COG5: variants seen among roughly 807,000 people sequenced by gnomAD.
COG5 encodes the protein conserved oligomeric Golgi complex subunit 5.
Under a neutral mutation model 110.4 loss-of-function variants are expected in COG5, and 86 were observed. The observed-to-expected ratio is 0.78, with a 90% CI of 0.65 to 0.93. The LOEUF (loss-of-function observed/expected upper bound fraction) is 0.93, where lower values mean the gene tolerates loss of function less well. COG5 is among the 40% of genes least tolerant of loss of function. COG5 has a pLI of 0.00. For synonymous variants in COG5, 360 were observed against 334.6 expected (o/e 1.08, Z -0.83); for missense variants, 1,077 against 987.0 (o/e 1.09, Z -1.22).
Position 107,531,546 on chromosome 7 carries a change from T to C in COG5, c.418-4189A>G, listed in dbSNP as rs1482904008. Among the ~76,000 whole-genome samples, 9 of 150,476 alleles carry C rather than the reference T, an allele frequency of 6.0e-5. No homozygotes were observed. The South Asian group carries it at 1.7e-3, about 28-fold the overall frequency. ...TAGGAGTATTGTTCATACTGAAAAC[T>C]AAAAATAAATACTTAATCTTTCCCT... On this transcript the variant is annotated intron_variant, in intron 5 of 21. Transcript: ENST00000297135.
chr7:107,442,037 G>C (rs1216349247), intron 6 of COG5, among the ~76,000 whole-genome samples: 1 of 152,210 alleles, frequency 6.6e-6, no homozygotes, highest in Non-Finnish European at 1.5e-5. Flanking sequence ...AGCATCTGGT[G>C]ATGTGGTTTG....
chr7:107,237,452 T>C (rs1475243511), intron 17 of COG5, among the ~76,000 whole-genome samples: 3 of 152,372 alleles, frequency 2.0e-5, no homozygotes, highest in East Asian at 1.9e-4. Context: ...GGCTACATCA[T>C]GCTGAATCTT....
chr7:107,290,797 T>C (rs891375267), intron 12 of COG5, among the ~76,000 whole-genome samples: 2 of 152,000 alleles, frequency 1.3e-5, no homozygotes, highest in African/African-American at 2.4e-5. Flanking sequence ...CCCTTGTAAG[T>C]GAAGTATAGT....
At chr7:107,547,952 T>C in intron 5 of COG5, 159 bp downstream of exon 5, 1 of 647,606 alleles carries the variant, frequency 1.5e-6, no homozygotes. Flanking sequence ...TTGTATTTTT[T>C]GAGCTAGACA....
intron 14 of COG5, among the ~76,000 whole-genome samples, chr7:107,274,411 C>A (rs1291121746): frequency 6.6e-6 from 1 of 152,118 alleles, no homozygotes; most frequent in East Asian, 1.9e-4. Context: ...CCACTCTTCA[C>A]CCCCTTTGTA....
chr7:107,451,436 C>T (rs910898281), intron 6 of COG5, among the ~76,000 whole-genome samples: 6 of 152,076 alleles, frequency 3.9e-5, no homozygotes, highest in Non-Finnish European at 7.4e-5. Context: ...ATGTTACAGG[C>T]GCTGAAACTA....
chr7:107,396,488 A>G (rs1338030153), intron 7 of COG5, among the ~76,000 whole-genome samples: 1 of 141,208 alleles, frequency 7.1e-6, no homozygotes, highest in African/African-American at 2.6e-5. Context: ...TTTTGAAGAG[A>G]GGCAGAAAAA....
At chr7:107,392,077 C>T (rs570054542) in intron 7 of COG5, among the ~76,000 whole-genome samples, 39 of 152,068 alleles carry the variant, frequency 2.6e-4, no homozygotes, top group African/African-American at 7.2e-4. Context: ...GGCAGCACAG[C>T]GAGACTCAGT....
At chr7:107,279,657 A>T (rs1008628054) in intron 14 of COG5, among the ~76,000 whole-genome samples, 2 of 152,280 alleles carry the variant, frequency 1.3e-5, no homozygotes, top group African/African-American at 2.4e-5. Context: ...ATATATTTTT[A>T]AAAATAAGGC....
At chr7:107,557,391 G>A (rs1803400736) in intron 2 of COG5, among the ~76,000 whole-genome samples, 2 of 152,138 alleles carry the variant, frequency 1.3e-5, no homozygotes, top group Non-Finnish European at 2.9e-5. Context: ...AATCTTCAAA[G>A]TTATCTACTA....
chr7:107,495,398 T>C (rs1019810997), intron 6 of COG5, among the ~76,000 whole-genome samples: 2 of 152,100 alleles, frequency 1.3e-5, no homozygotes, highest in African/African-American at 4.8e-5. Context: ...GGGAAAATAA[T>C]GTACAGTTTA....
intron 16 of COG5, among the ~76,000 whole-genome samples, chr7:107,254,718 A>G (rs1802757224): frequency 6.6e-6 from 1 of 152,158 alleles, no homozygotes; most frequent in African/African-American, 2.4e-5. Context: ...TTGTCTGTCA[A>G]AAATAAAGAT....
rs1804114765 is a variant in COG5, at chr7:107,269,996, G to GTT, written c.1575+11302_1575+11303dup. Among the ~76,000 whole-genome samples, 6 of 152,304 alleles carry GTT rather than the reference G, an allele frequency of 3.9e-5. No individual in the cohort carries two copies. The South Asian group carries it at 1.2e-3, about 32-fold the overall frequency. The stretch of plus-strand genomic sequence containing the variant: ...ACGCTTATAAGCAAGAGGATCTGGG[G>GTT]TTGAAGGTATCACTTTATGGCGGTA... On this transcript the variant is annotated intron_variant, in intron 14 of 21. Transcript: ENST00000297135.
At chr7:107,461,513 A>G (rs1430370724) in intron 6 of COG5, among the ~76,000 whole-genome samples, 4 of 152,168 alleles carry the variant, frequency 2.6e-5, no homozygotes, top group African/African-American at 9.7e-5. Context: ...AAGACATGGA[A>G]AAAAGCAGTT....
At chr7:107,234,021 C>T (rs1800967731) in intron 18 of COG5, among the ~76,000 whole-genome samples, 1 of 152,118 alleles carries the variant, frequency 6.6e-6, no homozygotes, top group East Asian at 1.9e-4. Flanking sequence ...AGATAATGAT[C>T]ACAGATATGA....
Position 107,281,352 on chromosome 7 carries a change from G to A in COG5, c.1523C>T (p.Ser508Leu). ...CTGGATGGTCTTTGCCACATTTTTTGACACAGCTAATGTGAGGTTTGTATC... is the reference window on the plus strand; with the variant it reads ...CTGGATGGTCTTTGCCACATTTTTTAACACAGCTAATGTGAGGTTTGTATC... ...AVDTNLTLAV[S>L]KNVAKTIQLY... The change falls in exon 14 of 22, where the codon TCA becomes TTA. Residue 508 changes from serine (S) to leucine (L), a missense_variant. Ser to Leu is a moderately radical substitution (Grantham distance 145, BLOSUM62 -2). Transcript: ENST00000297135. 6.2e-7 allele frequency: 1 copy of A among 1,613,442 alleles called. No homozygotes were observed. The highest frequency in any genetic ancestry group is 8.5e-7 in the Non-Finnish European group (1 of 1,179,566).
intron 6 of COG5, among the ~76,000 whole-genome samples, chr7:107,519,947 C>T (rs1298133415): frequency 2.0e-5 from 3 of 152,136 alleles, no homozygotes; most frequent in Non-Finnish European, 2.9e-5. Context: ...TTATCCACCA[C>T]GATCAACTCG....
chr7:107,261,842 A>T (rs1163777775), intron 14 of COG5, among the ~76,000 whole-genome samples: 1 of 151,376 alleles, frequency 6.6e-6, no homozygotes, highest in Non-Finnish European at 1.5e-5. Flanking sequence ...ACTTATTTTT[A>T]ATTTTAATTT....
chr7:107,313,189 A>G (rs2117006374), intron 11 of COG5, among the ~76,000 whole-genome samples: 1 of 152,312 alleles, frequency 6.6e-6, no homozygotes, highest in Admixed American at 6.5e-5. Context: ...TTTCAGGACA[A>G]AGACTCTCCA....
Sources: allele counts gnomAD v4.1 joint callset (sites outside exome capture counted in the v4.1 genomes callset), GRCh38; gene constraint gnomAD v4.1.1; transcripts MANE v1.5; gene names NCBI Gene and HGNC (gene_info 2026-07-23, HGNC 2026-07-21).